Variants in SPECC1 observed in about 807,000 individuals in gnomAD.
SPECC1 encodes the protein cytospin-B.
SPECC1 carries 62 observed loss-of-function variants against 104.1 expected under a neutral mutation model. That is an observed-to-expected ratio of 0.60 (90% CI 0.49 to 0.74). The LOEUF is 0.74. Among genes scored for constraint, SPECC1 ranks in the 30% least tolerant of loss-of-function variants. The probability of loss-of-function intolerance (pLI) is 0.00; values close to 1 mark genes in which losing one functional copy is unlikely to be tolerated. For synonymous variants in SPECC1, 513 were observed against 501.6 expected (o/e 1.02, Z -0.30); for missense variants, 1,306 against 1,310.5 (o/e 1.00, Z 0.05).
chr17:20,079,907 G>A (rs138653329), intron 1 of SPECC1, among the ~76,000 whole-genome samples: 1 of 152,258 alleles, frequency 6.6e-6, no homozygotes, highest in Non-Finnish European at 1.5e-5. Context: ...TCTGAGGAGA[G>A]CCTGCATCGC....
intron 14 of SPECC1, 55 bp downstream of exon 14, chr17:20,306,137 T>A: frequency 6.6e-7 from 1 of 1,525,732 alleles, no homozygotes; most frequent in Non-Finnish European, 9.0e-7. Flanking sequence ...GAAATGACTT[T>A]ATGCCATCTG....
At chr17:20,098,841 C>T (rs1190056103) in intron 2 of SPECC1, among the ~76,000 whole-genome samples, 1 of 152,330 alleles carries the variant, frequency 6.6e-6, no homozygotes, top group Non-Finnish European at 1.5e-5. Context: ...GGAAAGTAAG[C>T]CCCCTGCAGA....
intron 3 of SPECC1, among the ~76,000 whole-genome samples, chr17:20,141,852 C>T (rs908688305): frequency 6.6e-6 from 1 of 152,154 alleles, no homozygotes; most frequent in Non-Finnish European, 1.5e-5. Context: ...ACTTTTCTTC[C>T]GATTCAGTTA....
chr17:20,155,333 A>G (rs1156370591), intron 3 of SPECC1: 1 of 152,236 alleles, frequency 6.6e-6, no homozygotes, highest in Non-Finnish European at 1.5e-5. Flanking sequence ...GTAGTGTTCA[A>G]GTGATGCACG....
chr17:20,115,141 G>GA (rs1001321955), intron 3 of SPECC1, among the ~76,000 whole-genome samples: 6 of 149,896 alleles, frequency 4.0e-5, no homozygotes, highest in East Asian at 1.9e-4. Context: ...TGTGGAAAAG[G>GA]AAAAAAAAAG....
At chr17:20,247,158 C>T (rs1482781965) in intron 8 of SPECC1, 61 bp from the exon 9 acceptor site, 9 of 1,318,710 alleles carry the variant, frequency 6.8e-6, no homozygotes, top group Non-Finnish European at 9.6e-6. Flanking sequence ...AAATCAGGAA[C>T]AAGTATATGC....
chr17:20,163,546 T>C (rs1054638014), intron 3 of SPECC1, among the ~76,000 whole-genome samples: 3 of 151,876 alleles, frequency 2.0e-5, no homozygotes, highest in Admixed American at 2.0e-4. Context: ...TTCCAAAACA[T>C]TTATATTCTC....
chr17:20,314,528 AC>A lies in SPECC1; in HGVS notation c.*464del. 3.5e-6 allele frequency: 1 copy of A among 289,220 alleles called. No homozygotes were observed. Among genetic ancestry groups the A allele is most frequent in the East Asian group, 4.8e-5 (1 of 20,878 alleles). The allele number at this position is 289,220 out of a possible 1,614,324, so 17.9% of individuals were successfully genotyped here. ...GGTAGCTCGTGGCTGTAATCCCAGC[AC>A]TTTAGGAAGCCAAGGCAGTAGGATC... On this transcript the variant is annotated 3_prime_UTR_variant, in exon 15 of 15. Transcript: ENST00000395527.
intron 6 of SPECC1, 43 bp downstream of exon 6, chr17:20,231,874 T>G: frequency 6.3e-7 from 1 of 1,584,968 alleles, no homozygotes; most frequent in African/African-American, 1.3e-5. Context: ...TTCCTATGAA[T>G]TACCCGCTCC....
chr17:20,175,018 T>C (rs1238782372), intron 3 of SPECC1, among the ~76,000 whole-genome samples: 2 of 152,266 alleles, frequency 1.3e-5, no homozygotes, highest in East Asian at 1.9e-4. Context: ...CCCTGCAGTG[T>C]GGAGGGTGGG....
chr17:20,281,497 A>G (rs1254712074), intron 12 of SPECC1, among the ~76,000 whole-genome samples: 2 of 152,062 alleles, frequency 1.3e-5, no homozygotes, highest in South Asian at 2.1e-4. Flanking sequence ...CGCCTCACAC[A>G]TGGAGGGCTT....
At chr17:20,095,180 G>T (rs1386865319) in intron 1 of SPECC1, among the ~76,000 whole-genome samples, 1 of 152,052 alleles carries the variant, frequency 6.6e-6, no homozygotes, top group East Asian at 1.9e-4. Context: ...AAAAATCGTG[G>T]GTTGAAGAAG....
chr17:20,229,505 AAAAT>A (rs1252062072), intron 5 of SPECC1, among the ~76,000 whole-genome samples: 1 of 152,166 alleles, frequency 6.6e-6, no homozygotes, highest in East Asian at 1.9e-4. Context: ...TCTTGACAAA[AAAAT>A]AAAATAAAAT....
At chr17:20,221,833 G>A (rs1329063970) in intron 4 of SPECC1, among the ~76,000 whole-genome samples, 1 of 151,954 alleles carries the variant, frequency 6.6e-6, no homozygotes, top group African/African-American at 2.4e-5. Flanking sequence ...TTGGTATGTT[G>A]TGTTTCCATT....
At chr17:20,144,179 T>TC (rs1235545305) in intron 3 of SPECC1, among the ~76,000 whole-genome samples, 2 of 60,208 alleles carry the variant, frequency 3.3e-5, no homozygotes, top group African/African-American at 5.7e-5. Context: ...TCTTTTCTTT[T>TC]TTTTTTTTTT....
intron 12 of SPECC1, among the ~76,000 whole-genome samples, chr17:20,260,543 T>C (rs183952734): frequency 6.6e-6 from 1 of 152,350 alleles, no homozygotes; most frequent in Admixed American, 6.5e-5. Context: ...CACGCAGAGC[T>C]GCACCTCCCG....
chr17:20,087,373 A>G (rs969203941), intron 1 of SPECC1, among the ~76,000 whole-genome samples: 2 of 152,204 alleles, frequency 1.3e-5, no homozygotes, highest in African/African-American at 4.8e-5. Context: ...TAGTGCTGGA[A>G]GGCTCTATAT....
Position 20,227,361 on chromosome 17 carries a change from T to G in SPECC1, c.1864-52T>G. ...CTTGGCCTTCTAGTGTACAGATCAC[T>G]GTGGGAATTTTTTTGTTGTTAACTG... On this transcript the variant is annotated intron_variant, in intron 4 of 14. Transcript: ENST00000395527. 3 of 1,534,236 alleles carry G rather than the reference T, an allele frequency of 2.0e-6. No homozygotes were observed. In the South Asian group the frequency reaches 3.5e-5, roughly 18 times the overall value.
chr17:20,305,567 A>G (rs1042903433), intron 13 of SPECC1: 1 of 157,524 alleles, frequency 6.3e-6, no homozygotes, highest in African/African-American at 2.4e-5. Context: ...GAAATAATCC[A>G]TAACTAAACA....
Sources: gnomAD v4.1 joint callset for allele counts (sites outside exome capture counted in the v4.1 genomes callset) on GRCh38, gnomAD v4.1.1 for gene constraint, MANE v1.5 for transcripts, NCBI Gene and HGNC (gene_info 2026-07-23, HGNC 2026-07-21) for gene names.